SIPA1L1: variants seen among roughly 807,000 people sequenced by gnomAD.
SIPA1L1 encodes signal induced proliferation associated 1 like 1, also known as signal-induced proliferation-associated 1-like protein 1.
Under a neutral mutation model 162.7 loss-of-function variants are expected in SIPA1L1, and 26 were observed. The ratio of observed to expected loss-of-function variants is 0.16; its 90% CI spans 0.12 to 0.22. The LOEUF (loss-of-function observed/expected upper bound fraction) is 0.22, where lower values mean the gene tolerates loss of function less well. Ranked by LOEUF, SIPA1L1 falls within the 10% of genes least tolerant of loss-of-function variation. The pLI, the probability that SIPA1L1 is intolerant of heterozygous loss-of-function variation, is 1.00. For missense variants in SIPA1L1, 1,874 were observed against 2,241.0 expected, an observed-to-expected ratio of 0.84 and a Z score of 3.31; for synonymous variants, 829 against 837.4, an observed-to-expected ratio of 0.99 and a Z score of 0.17.
At chr14:71,633,201 G>T (rs778448740) in intron 7 of SIPA1L1, among the ~76,000 whole-genome samples, 79 of 152,094 alleles carry the variant, frequency 5.2e-4, no homozygotes, top group Admixed American at 1.4e-3. Context: ...TCACTCTGTC[G>T]CCAGGCTGCA....
chr14:71,401,441 G>T (rs2041665858), intron 2 of SIPA1L1, among the ~76,000 whole-genome samples: 3 of 142,316 alleles, frequency 2.1e-5, no homozygotes, highest in South Asian at 4.5e-4. Context: ...TGATTTAATT[G>T]TATGACGTAT....
intron 17 of SIPA1L1, among the ~76,000 whole-genome samples, chr14:71,721,296 GTCTC>G (rs755200625): frequency 1.2e-4 from 18 of 152,180 alleles, no homozygotes; most frequent in Non-Finnish European, 2.2e-4. Flanking sequence ...CCTCTCAGGA[GTCTC>G]TCTCTGTGCT....
intron 4 of SIPA1L1, among the ~76,000 whole-genome samples, chr14:71,532,824 A>G (rs1270133517): frequency 6.6e-6 from 1 of 152,200 alleles, no homozygotes; most frequent in Non-Finnish European, 1.5e-5. Flanking sequence ...GGTCAGTTTT[A>G]GGAGATTCCT....
intron 15 of SIPA1L1, chr14:71,704,678 T>G (rs1309104707): frequency 6.7e-7 from 1 of 1,494,624 alleles, no homozygotes; most frequent in East Asian, 2.3e-5. Context: ...AAGCAATTGT[T>G]TTAAGTAAAC....
At chr14:71,336,398 A>G (rs910656332) in intron 2 of SIPA1L1, among the ~76,000 whole-genome samples, 1 of 152,042 alleles carries the variant, frequency 6.6e-6, no homozygotes, top group African/African-American at 2.4e-5. Context: ...CTAGGCTACC[A>G]CTAACCTACT....
intron 2 of SIPA1L1, among the ~76,000 whole-genome samples, chr14:71,333,998 C>T (rs7155939): frequency 0.033 from 5,069 of 152,074 alleles, 115 homozygotes; most frequent in Middle Eastern, 0.058. Flanking sequence ...AGGATGACAC[C>T]GAGGTGTTTA....
At chr14:71,545,577 T>TTG (rs58582108) in intron 4 of SIPA1L1, among the ~76,000 whole-genome samples, 2,425 of 148,700 alleles carry the variant, frequency 0.016, 28 homozygotes, top group African/African-American at 0.033. Context: ...TAGTTCTAAT[T>TTG]TGTGTGTGTG....
intron 23 of SIPA1L1, 123 bp downstream of exon 23, chr14:71,738,448 T>C (rs558418146): frequency 1.0e-4 from 62 of 614,316 alleles, no homozygotes; most frequent in African/African-American, 7.2e-4. Flanking sequence ...TGCATGTGTT[T>C]GGGGATGCAG....
intron 2 of SIPA1L1, among the ~76,000 whole-genome samples, chr14:71,331,795 G>T (rs1033047590): frequency 1.7e-4 from 26 of 151,990 alleles, no homozygotes; most frequent in Non-Finnish European, 1.2e-4. Context: ...CCCATATGAA[G>T]GTAGAATACT....
chr14:71,687,192 G>A lies in SIPA1L1; in HGVS notation c.3374+1561G>A, dbSNP rs149564191. 8.0e-3 allele frequency among the ~76,000 whole-genome samples: 1,213 copies of A among 152,282 alleles called. 10 individuals are homozygous for A. Among genetic ancestry groups the A allele is most frequent in the African/African-American group, 0.023 (968 of 41,550 alleles). On this transcript the variant is annotated intron_variant, in intron 13 of 23. Transcript: ENST00000381232. ...ACTTCTCATTTCATCCTGGAGATCT[G>A]TTTACAGAGCCTTGCTATTTATCTC...
At chr14:71,483,326 T>C (rs550930521) in intron 2 of SIPA1L1, among the ~76,000 whole-genome samples, 5 of 152,262 alleles carry the variant, frequency 3.3e-5, no homozygotes, top group African/African-American at 7.2e-5. Flanking sequence ...TCTGTGGTAT[T>C]TTAGGGTGAA....
intron 1 of SIPA1L1, 87 bp from the exon 2 acceptor site, chr14:71,321,035 C>G (rs2032760672): frequency 6.6e-6 from 1 of 152,196 alleles, no homozygotes; most frequent in South Asian, 2.1e-4. Context: ...GCTCGGCGCC[C>G]GCCTCGGGCC....
At chr14:71,488,987 C>T (rs1391326878) in intron 2 of SIPA1L1, among the ~76,000 whole-genome samples, 3 of 152,182 alleles carry the variant, frequency 2.0e-5, no homozygotes, top group Admixed American at 2.0e-4. Context: ...TTGTTCACAG[C>T]TGCTGCTCTT....
At chr14:71,635,237 C>A (rs534718336) in intron 7 of SIPA1L1, among the ~76,000 whole-genome samples, 6 of 152,214 alleles carry the variant, frequency 3.9e-5, no homozygotes, top group Non-Finnish European at 7.4e-5. Context: ...TGAGATCACG[C>A]CATTGCACTC....
At chr14:71,399,935 A>G (rs1400083053) in intron 2 of SIPA1L1, among the ~76,000 whole-genome samples, 2 of 151,780 alleles carry the variant, frequency 1.3e-5, no homozygotes, top group East Asian at 3.9e-4. Flanking sequence ...TGGCTAGCCT[A>G]ATCTCTAACT....
At chr14:71,500,723 G>C (rs966943102) in intron 2 of SIPA1L1, among the ~76,000 whole-genome samples, 1 of 152,142 alleles carries the variant, frequency 6.6e-6, no homozygotes, top group Admixed American at 6.5e-5. Flanking sequence ...AAGTTAGAAG[G>C]GGGCAGGGTG....
chr14:71,643,785 C>T (rs1395226056), intron 7 of SIPA1L1, among the ~76,000 whole-genome samples: 1 of 152,188 alleles, frequency 6.6e-6, no homozygotes, highest in Non-Finnish European at 1.5e-5. Flanking sequence ...AACACCAAAA[C>T]TCAACAAGTG....
intron 17 of SIPA1L1, among the ~76,000 whole-genome samples, chr14:71,713,915 T>A (rs1196402472): frequency 6.6e-6 from 1 of 152,168 alleles, no homozygotes; most frequent in Non-Finnish European, 1.5e-5. Context: ...TAATTGCCTC[T>A]CTTTTATATT....
intron 4 of SIPA1L1, among the ~76,000 whole-genome samples, chr14:71,561,090 ATT>A (rs2056752242): frequency 6.6e-6 from 1 of 152,148 alleles, no homozygotes; most frequent in Non-Finnish European, 1.5e-5. Flanking sequence ...TAGAAGATTA[ATT>A]TTGTTTTATT....
Sources: gnomAD v4.1 joint callset for allele counts (sites outside exome capture counted in the v4.1 genomes callset) on GRCh38, gnomAD v4.1.1 for gene constraint, MANE v1.5 for transcripts, NCBI Gene and HGNC (gene_info 2026-07-23, HGNC 2026-07-21) for gene names.